The following ZHX2 variants were observed in gnomAD, a reference collection of about 807,000 sequenced individuals.
ZHX2 encodes the protein zinc fingers and homeoboxes protein 2.
In ZHX2, 6 loss-of-function variants were observed where a neutral mutation model predicts 21.9. The ratio of observed to expected loss-of-function variants is 0.27; its 90% CI spans 0.15 to 0.54. ZHX2 has a LOEUF of 0.54. Ranked by LOEUF, ZHX2 falls within the 20% of genes least tolerant of loss-of-function variation. The probability of loss-of-function intolerance (pLI) is 0.95; values close to 1 mark genes in which losing one functional copy is unlikely to be tolerated. For missense variants in ZHX2, 908 were observed against 1,090.7 expected, an observed-to-expected ratio of 0.83 and a Z score of 2.36; for synonymous variants, 434 against 437.1, an observed-to-expected ratio of 0.99 and a Z score of 0.09.
chr8:122,916,938 C>T (rs1017929747), intron 2 of ZHX2, among the ~76,000 whole-genome samples: 1 of 152,078 alleles, frequency 6.6e-6, no homozygotes, highest in African/African-American at 2.4e-5. Context: ...TTCTTTTGCT[C>T]ATGCATTTCT....
At chr8:122,873,185 G>A (rs879627490) in intron 2 of ZHX2, among the ~76,000 whole-genome samples, 1 of 152,198 alleles carries the variant, frequency 6.6e-6, no homozygotes, top group Non-Finnish European at 1.5e-5. Flanking sequence ...AAGCCTAGTC[G>A]TTAAGAAAAA....
At chr8:122,790,140 G>A (rs1817483397) in intron 1 of ZHX2, among the ~76,000 whole-genome samples, 1 of 152,176 alleles carries the variant, frequency 6.6e-6, no homozygotes, top group Admixed American at 6.5e-5. Flanking sequence ...ACTGAAAGAA[G>A]ATTTTGAGAG....
chr8:122,821,877 G>T (rs1161850689), intron 1 of ZHX2, among the ~76,000 whole-genome samples: 1 of 151,986 alleles, frequency 6.6e-6, no homozygotes, highest in Non-Finnish European at 1.5e-5. Context: ...GCTAATTTTT[G>T]TATTTTTAGT....
chr8:122,800,589 C>G (rs1817699708), intron 1 of ZHX2, among the ~76,000 whole-genome samples: 1 of 152,224 alleles, frequency 6.6e-6, no homozygotes, highest in African/African-American at 2.4e-5. Flanking sequence ...ATCCAGGATG[C>G]AAGCACTTAG....
At chr8:122,940,553 C>A (rs1042609572) in intron 2 of ZHX2, among the ~76,000 whole-genome samples, 1 of 152,152 alleles carries the variant, frequency 6.6e-6, no homozygotes, top group South Asian at 2.1e-4. Context: ...CAGCCACAGA[C>A]CTCACTTCAA....
At chr8:122,862,607 G>GT (rs1233533142) in intron 1 of ZHX2, among the ~76,000 whole-genome samples, 2 of 152,158 alleles carry the variant, frequency 1.3e-5, no homozygotes, top group Admixed American at 1.3e-4. Flanking sequence ...CTGGCGCGTG[G>GT]TAAGTACTCA....
chr8:122,878,239 A>G (rs1042975201), intron 2 of ZHX2, among the ~76,000 whole-genome samples: 2 of 152,214 alleles, frequency 1.3e-5, no homozygotes, highest in Admixed American at 1.3e-4. Context: ...GTGTATGTAT[A>G]TCAGCTATTT....
chr8:122,819,049 G>A (rs920585675), intron 1 of ZHX2, among the ~76,000 whole-genome samples: 6 of 152,234 alleles, frequency 3.9e-5, no homozygotes, highest in East Asian at 1.9e-4. Flanking sequence ...AGAAGAGAAC[G>A]AAGAGAGAAG....
At chr8:122,913,622 G>T (rs1820531141) in intron 2 of ZHX2, among the ~76,000 whole-genome samples, 1 of 152,180 alleles carries the variant, frequency 6.6e-6, no homozygotes, top group Admixed American at 6.5e-5. Flanking sequence ...TCATGACAGG[G>T]ACAGGCAAAG....
chr8:122,911,743 T>A (rs895502293), intron 2 of ZHX2, among the ~76,000 whole-genome samples: 2 of 152,000 alleles, frequency 1.3e-5, no homozygotes, highest in African/African-American at 4.8e-5. Flanking sequence ...AAATAGACCA[T>A]GGCAGGAAAA....
chr8:122,787,062 G>T (rs1474576706), intron 1 of ZHX2, among the ~76,000 whole-genome samples: 1 of 143,176 alleles, frequency 7.0e-6, no homozygotes, highest in Non-Finnish European at 1.5e-5. Context: ...TTGTAATCAT[G>T]CAGTTAAGAG....
chr8:122,879,725 G>A (rs543072501), intron 2 of ZHX2, among the ~76,000 whole-genome samples: 2 of 151,982 alleles, frequency 1.3e-5, no homozygotes, highest in East Asian at 1.9e-4. Context: ...CTCAGCCCTC[G>A]GGCCACGTTC....
At position 122,952,533 on chromosome 8, in the gene ZHX2, A is replaced by G; in HGVS notation, c.1023A>G (p.Val341=). The change falls in exon 3 of 4, where the codon GTA becomes GTG. Residue 341 remains valine (V), a synonymous_variant. Transcript: ENST00000314393. This position sits in a 1 kb window ranked among gnomAD's most constrained non-coding sequence, Gnocchi z 6.9. ...KKMFNGTIQS[V]PPTITVLPAQ... ...TGTTCAACGGCACCATCCAGTCAGT[A>G]CCCCCGACCATCACTGTGCTGCCCG... 5.6e-6 allele frequency: 9 copies of G among 1,614,044 alleles called. No individual in the cohort carries two copies. Among genetic ancestry groups the G allele is most frequent in the Non-Finnish European group, 6.8e-6 (8 of 1,179,984 alleles).
chr8:122,957,089 A>C (rs570722044), intron 3 of ZHX2, among the ~76,000 whole-genome samples: 4 of 152,242 alleles, frequency 2.6e-5, no homozygotes, highest in Non-Finnish European at 5.9e-5. Context: ...ACATGGTCTT[A>C]CTTAATTCTC....
intron 2 of ZHX2, among the ~76,000 whole-genome samples, chr8:122,933,386 G>A (rs1586400145): frequency 7.0e-6 from 1 of 143,186 alleles, no homozygotes; most frequent in African/African-American, 2.6e-5. Context: ...ATTTATTTAT[G>A]TATGTGACAC....
At chr8:122,926,639 G>A (rs762136679) in intron 2 of ZHX2, among the ~76,000 whole-genome samples, 6 of 152,172 alleles carry the variant, frequency 3.9e-5, no homozygotes, top group African/African-American at 7.2e-5. Flanking sequence ...TCGTTCGGCT[G>A]GTCCTAGGGA....
rs1200852628 is a variant in ZHX2 at position 122,974,239 on chromosome 8, T to C, written c.*1002T>C. 6.6e-6 allele frequency: 1 copy of C among 152,624 alleles called. No homozygotes were observed. The highest frequency in any genetic ancestry group is 6.5e-5 in the Admixed American group (1 of 15,280). 9.5% of individuals were successfully genotyped at this position (152,624 alleles called of 1,614,324 possible). The stretch of plus-strand genomic sequence containing the variant: ...AGCCTCACCATGAATTGATTTTTTT[T>C]GTTTGTGTGTGTGTTTGTTTTGGGA... On this transcript the variant is annotated 3_prime_UTR_variant, in exon 4 of 4. Coordinates refer to ENST00000314393, the MANE Select transcript of ZHX2 (RefSeq NM_014943.5).
chr8:122,796,511 G>A (rs1817615139), intron 1 of ZHX2, among the ~76,000 whole-genome samples: 1 of 152,184 alleles, frequency 6.6e-6, no homozygotes, highest in Admixed American at 6.5e-5. Context: ...TGATATTTGT[G>A]TGTGCACATG....
At chr8:122,880,134 G>A (rs1372424920) in intron 2 of ZHX2, among the ~76,000 whole-genome samples, 1 of 151,818 alleles carries the variant, frequency 6.6e-6, no homozygotes, top group Non-Finnish European at 1.5e-5. Context: ...ACCAAACCTG[G>A]CTAATTTTTT....
Sources: gnomAD v4.1 joint callset for allele counts (sites outside exome capture counted in the v4.1 genomes callset) on GRCh38, gnomAD v4.1.1 for gene constraint, Gnocchi (gnomAD v3.1) non-coding constraint, MANE v1.5 for transcripts, NCBI Gene and HGNC (gene_info 2026-07-23, HGNC 2026-07-21) for gene names.